ARID1B: variants seen among roughly 807,000 people sequenced by gnomAD.
ARID1B encodes the protein AT-rich interaction domain 1B.
ARID1B carries 30 observed loss-of-function variants against 212.3 expected under a neutral mutation model. That is an observed-to-expected ratio of 0.14 (90% confidence interval 0.11 to 0.19). The LOEUF is 0.19. ARID1B is among the 10% of genes least tolerant of loss of function. The probability of loss-of-function intolerance (pLI) is 1.00; values close to 1 mark genes in which losing one functional copy is unlikely to be tolerated. For synonymous variants in ARID1B, 1,402 were observed against 1,301.7 expected, an observed-to-expected ratio of 1.08 and a Z score of -1.66; for missense variants, 2,891 against 3,204.0, an observed-to-expected ratio of 0.90 and a Z score of 2.36.
At chr6:156,935,673 TTGAG>T in intron 4 of ARID1B, 97 bp downstream of exon 4, 1 of 1,127,614 alleles carries the variant, frequency 8.9e-7, no homozygotes, top group Admixed American at 2.4e-5. Flanking sequence ...TATGACATGA[TTGAG>T]AAGTTTCTAG....
Position 156,901,446 on chromosome 6 carries a change from A to T in ARID1B, c.2057A>T (p.Gln686Leu). 1.2e-6 allele frequency: 2 copies of T among 1,614,184 alleles called. No individual in the cohort carries two copies. Among genetic ancestry groups the T allele is most frequent in the East Asian group, 2.2e-5 (1 of 44,882 alleles). The change falls in exon 3 of 20, where the codon CAG (glutamine) becomes CTG (leucine). Residue 686 changes from glutamine (Q) to leucine (L), a missense_variant. By Grantham distance (113) the Gln-to-Leu change is moderately radical (BLOSUM62 -2). This residue lies in a region of ARID1B where 1,643 missense variants were observed against 1,544.0 expected (regional missense o/e 1.06). Coordinates refer to ENST00000636930, the MANE Select transcript of ARID1B (RefSeq NM_001374828.1). The stretch of plus-strand genomic sequence containing the variant: ...CAGGGCCAACAGCCATATTACAGCC[A>T]GCAGCCGCAGCCCCCGCACCTCCCA... ...CQQGQQPYYS[Q>L]QPQPPHLPPQ...
At chr6:156,949,375 A>G (rs1450002662) in intron 4 of ARID1B, among the ~76,000 whole-genome samples, 1 of 152,234 alleles carries the variant, frequency 6.6e-6, no homozygotes, top group Non-Finnish European at 1.5e-5. Flanking sequence ...AGTACTTTGC[A>G]CATACATGAG....
At chr6:156,892,124 T>C (rs189453058) in intron 2 of ARID1B, among the ~76,000 whole-genome samples, 30 of 150,960 alleles carry the variant, frequency 2.0e-4, no homozygotes, top group Middle Eastern at 3.4e-3. Context: ...GGTCTCTATC[T>C]CTTGACCTCG....
chr6:156,812,568 C>T (rs946338117), intron 1 of ARID1B, among the ~76,000 whole-genome samples: 2 of 152,172 alleles, frequency 1.3e-5, no homozygotes, highest in South Asian at 4.1e-4. Flanking sequence ...TTATCTTTTT[C>T]ATAGTGCCTT....
Position 157,034,585 on chromosome 6 carries a change from G to A in ARID1B, c.2248-50077G>A, listed in dbSNP as rs141451014. ...GGAACAAAAAAGCTTAGCTGATTTC[G>A]GCCGGTAAGTTTAATGACTACTACC... On this transcript the variant is annotated intron_variant, in intron 4 of 19. Transcript: ENST00000636930. 6.6e-5 allele frequency among the ~76,000 whole-genome samples: 10 copies of A among 152,246 alleles called. No homozygotes were observed. The East Asian group carries it at 7.7e-4, about 12-fold the overall frequency.
intron 1 of ARID1B, among the ~76,000 whole-genome samples, chr6:156,818,806 G>A (rs140057903): frequency 2.9e-4 from 44 of 152,316 alleles, no homozygotes; most frequent in African/African-American, 9.6e-4. Flanking sequence ...ACTGGACTTA[G>A]AGAAAATAAT....
intron 6 of ARID1B, among the ~76,000 whole-genome samples, chr6:157,129,942 A>G (rs981404540): frequency 4.6e-5 from 7 of 152,140 alleles, no homozygotes; most frequent in African/African-American, 1.4e-4. Flanking sequence ...GCTGAGGCAG[A>G]CAGATCATTT....
At chr6:157,195,575 A>G (rs1793656425) in intron 15 of ARID1B, 1 of 152,684 alleles carries the variant, frequency 6.5e-6, no homozygotes, top group Admixed American at 6.5e-5. Context: ...TGTAACATAC[A>G]TAACATAATC....
chr6:157,156,651 C>A (rs1458187382), intron 8 of ARID1B, among the ~76,000 whole-genome samples: 2 of 152,150 alleles, frequency 1.3e-5, no homozygotes, highest in African/African-American at 4.8e-5. Context: ...GTGAGCGTCA[C>A]CCAGAGATTT....
chr6:157,169,135 T>C (rs1791539729), intron 9 of ARID1B: 1 of 152,206 alleles, frequency 6.6e-6, no homozygotes, highest in Non-Finnish European at 1.5e-5. Flanking sequence ...GGGCCAGAAA[T>C]GGTGGGATCA....
chr6:156,935,514 C>T lies in ARID1B; in HGVS notation c.2185C>T (p.Pro729Ser), dbSNP rs2128274830. 1.9e-6 allele frequency: 3 copies of T among 1,613,998 alleles called. No homozygotes were observed. Among genetic ancestry groups the T allele is most frequent in the Non-Finnish European group, 2.5e-6 (3 of 1,179,958 alleles). Residue 729 changes from proline to serine, a missense_variant, in exon 4 of 20, where the codon CCC (proline) becomes TCC (serine). By Grantham distance (74) the Pro-to-Ser change is moderately conservative (BLOSUM62 -1). This residue lies in a region of ARID1B where 1,643 missense variants were observed against 1,544.0 expected (regional missense o/e 1.06). Coordinates refer to ENST00000636930, the MANE Select transcript of ARID1B (RefSeq NM_001374828.1). ...AACTAGATCTCAACCTCCTCTGGCC[C>T]CCGGAAAACCTAACCATGAAGACTT... is the stretch of plus-strand genomic sequence containing the variant. ...YGTRSQPPLA[P>S]GKPNHEDLNL...
chr6:156,998,529 C>T (rs994939566), intron 4 of ARID1B, among the ~76,000 whole-genome samples: 16 of 152,138 alleles, frequency 1.1e-4, no homozygotes, highest in African/African-American at 3.1e-4. Flanking sequence ...GGCTCTTGTT[C>T]TCTTTTGAAA....
chr6:156,979,283 C>G (rs1176197891), intron 4 of ARID1B, among the ~76,000 whole-genome samples: 1 of 152,154 alleles, frequency 6.6e-6, no homozygotes. Context: ...TGGAAACTTA[C>G]CTTTCTAGGT....
At chr6:156,922,946 C>T (rs978416854) in intron 3 of ARID1B, among the ~76,000 whole-genome samples, 3 of 152,092 alleles carry the variant, frequency 2.0e-5, no homozygotes, top group Admixed American at 6.5e-5. Context: ...GCTCGTGTGC[C>T]GGAAGTAGTC....
intron 1 of ARID1B, among the ~76,000 whole-genome samples, chr6:156,808,973 T>C (rs1036903187): frequency 6.6e-6 from 1 of 152,256 alleles, no homozygotes; most frequent in Non-Finnish European, 1.5e-5. Context: ...CAAAGTCACA[T>C]GGCTTAGCAA....
At chr6:157,119,807 G>A (rs567509335) in intron 6 of ARID1B, 1 of 152,378 alleles carries the variant, frequency 6.6e-6, no homozygotes, top group Admixed American at 6.5e-5. Flanking sequence ...CTCTGCGAGT[G>A]GAGGGACCGT....
At chr6:156,929,275 A>G (rs912349615) in intron 3 of ARID1B, among the ~76,000 whole-genome samples, 4 of 152,236 alleles carry the variant, frequency 2.6e-5, no homozygotes, top group African/African-American at 9.6e-5. Flanking sequence ...CTTGATGTGC[A>G]TGTTGTATGG....
chr6:157,137,136 A>G (rs2128597511), intron 7 of ARID1B, among the ~76,000 whole-genome samples: 2 of 148,266 alleles, frequency 1.3e-5, no homozygotes, highest in East Asian at 3.9e-4. Context: ...AGCTCTGATC[A>G]CACCACTGCT....
intron 6 of ARID1B, among the ~76,000 whole-genome samples, chr6:157,114,631 A>G (rs1787199632): frequency 6.6e-6 from 1 of 151,822 alleles, no homozygotes; most frequent in Non-Finnish European, 1.5e-5. Flanking sequence ...AAATAACCAC[A>G]TTGAACAGTT....
Sources: gnomAD v4.1 joint callset for allele counts (sites outside exome capture counted in the v4.1 genomes callset) on GRCh38, gnomAD v4.1.1 for gene constraint, gnomAD v4.1.1 regional missense constraint, MANE v1.5 for transcripts, NCBI Gene and HGNC (gene_info 2026-07-23, HGNC 2026-07-21) for gene names.